Variants in WDPCP observed in about 807,000 individuals in gnomAD.
The protein encoded by WDPCP is WD repeat containing planar cell polarity effector, also known as WD repeat-containing and planar cell polarity effector protein fritz homolog.
Under a neutral mutation model 93.1 loss-of-function variants are expected in WDPCP, and 71 were observed. The ratio of observed to expected loss-of-function variants is 0.76; its 90% CI spans 0.63 to 0.93. WDPCP has a LOEUF of 0.93. Among genes scored for constraint, WDPCP ranks in the 40% least tolerant of loss-of-function variants. WDPCP has a pLI of 0.00. For synonymous variants in WDPCP, 315 were observed against 315.0 expected, an observed-to-expected ratio of 1.00 and a Z score of 0.00; for missense variants, 844 against 887.4, an observed-to-expected ratio of 0.95 and a Z score of 0.62.
intron 2 of WDPCP, among the ~76,000 whole-genome samples, chr2:63,704,311 C>A (rs1028151337): frequency 1.3e-5 from 2 of 152,128 alleles, no homozygotes; most frequent in African/African-American, 2.4e-5. Context: ...TGCCTGATTG[C>A]CCTGGCCAGA....
rs1358414423 is a variant in WDPCP at position 63,406,913 on chromosome 2, A to T, written c.826-2256T>A. 5.9e-5 allele frequency among the ~76,000 whole-genome samples: 9 copies of T among 152,292 alleles called. No homozygotes were observed. In the East Asian group the frequency reaches 1.7e-3, roughly 29 times the overall value. ...AGGATGTCAGAGAAAGAGAATGACA[A>T]AGACAAAGGGACCTTTCTGCTTCTG... On this transcript the variant is annotated intron_variant, in intron 9 of 17. Transcript: ENST00000272321.
At chr2:63,186,104 C>T (rs1674620428) in intron 14 of WDPCP, among the ~76,000 whole-genome samples, 1 of 152,188 alleles carries the variant, frequency 6.6e-6, no homozygotes, top group African/African-American at 2.4e-5. Flanking sequence ...GAATCTGCCT[C>T]CCTCTCACTC....
At chr2:63,222,949 G>A (rs897525694) in intron 14 of WDPCP, among the ~76,000 whole-genome samples, 1 of 152,016 alleles carries the variant, frequency 6.6e-6, no homozygotes, top group Admixed American at 6.6e-5. Flanking sequence ...AGGGGGAAAA[G>A]GTCTAAGAGG....
chr2:63,340,140 T>G (rs1688732735), intron 12 of WDPCP, among the ~76,000 whole-genome samples: 1 of 152,194 alleles, frequency 6.6e-6, no homozygotes, highest in South Asian at 2.1e-4. Context: ...GTTTTGTTTT[T>G]TATTGAATAT....
chr2:63,313,872 A>G (rs369577920), intron 12 of WDPCP, among the ~76,000 whole-genome samples: 4 of 101,564 alleles, frequency 3.9e-5, no homozygotes, highest in East Asian at 5.6e-4. Context: ...ATATATATAT[A>G]TATATATATA....
chr2:63,535,236 T>A (rs183241783), intron 1 of WDPCP, among the ~76,000 whole-genome samples: 150 of 152,236 alleles, frequency 9.9e-4, no homozygotes, highest in Middle Eastern at 3.4e-3. Context: ...GGAAAAACAT[T>A]CCATGCTCAT....
intron 2 of WDPCP, among the ~76,000 whole-genome samples, chr2:63,735,905 T>TA (rs1332264661): frequency 2.0e-5 from 3 of 152,184 alleles, no homozygotes; most frequent in Non-Finnish European, 4.4e-5. Context: ...AGCTCTCTGT[T>TA]AAAAAAGAAA....
intron 12 of WDPCP, among the ~76,000 whole-genome samples, chr2:63,367,180 G>C (rs1232745355): frequency 1.3e-5 from 2 of 151,370 alleles, no homozygotes; most frequent in Admixed American, 6.6e-5. Flanking sequence ...TGTGACCTAA[G>C]GCTACTCTAA....
chr2:63,392,541 C>G (rs1337576662), intron 10 of WDPCP, among the ~76,000 whole-genome samples: 2 of 152,122 alleles, frequency 1.3e-5, no homozygotes. Context: ...CAAATGGGAT[C>G]TAATTAAACT....
chr2:63,721,270 A>G (rs1345661901), intron 2 of WDPCP, among the ~76,000 whole-genome samples: 1 of 152,240 alleles, frequency 6.6e-6, no homozygotes, highest in East Asian at 1.9e-4. Flanking sequence ...GAGTGGTGTC[A>G]TGAGGGGAGG....
At chr2:63,352,913 A>G (rs1467864521) in intron 12 of WDPCP, among the ~76,000 whole-genome samples, 1 of 152,214 alleles carries the variant, frequency 6.6e-6, no homozygotes, top group Non-Finnish European at 1.5e-5. Context: ...GGTTATGCTA[A>G]TAAAAAAACT....
At chr2:63,552,635 A>C (rs1179003348) in intron 1 of WDPCP, among the ~76,000 whole-genome samples, 1 of 152,196 alleles carries the variant, frequency 6.6e-6, no homozygotes, top group African/African-American at 2.4e-5. Flanking sequence ...TTAGTTGAGA[A>C]GACAAAGGAC....
chr2:63,591,920 A>C (rs1272768683), upstream of WDPCP, among the ~76,000 whole-genome samples: 1 of 152,182 alleles, frequency 6.6e-6, no homozygotes, highest in African/African-American at 2.4e-5. Flanking sequence ...TATTATCTCC[A>C]TTTTACTATG....
intron 14 of WDPCP, among the ~76,000 whole-genome samples, chr2:63,210,231 G>A (rs1014641963): frequency 6.6e-6 from 1 of 151,998 alleles, no homozygotes; most frequent in Non-Finnish European, 1.5e-5. Flanking sequence ...TGCCTCTGAA[G>A]AGAAGACTGG....
intron 2 of WDPCP, among the ~76,000 whole-genome samples, chr2:63,807,160 C>G (rs1670779487): frequency 6.6e-6 from 1 of 152,188 alleles, no homozygotes; most frequent in Non-Finnish European, 1.5e-5. Flanking sequence ...TCTTCACAAT[C>G]TATGTTCTTC....
Position 63,122,003 on chromosome 2 carries a change from T to C in WDPCP, c.*3A>G. The C allele has an allele frequency of 6.2e-7, 1 of 1,613,108 alleles. No individual in the cohort carries two copies. Among genetic ancestry groups the C allele is most frequent in the Non-Finnish European group, 8.5e-7 (1 of 1,179,652 alleles). On this transcript the variant is annotated 3_prime_UTR_variant, in exon 18 of 18. Coordinates refer to ENST00000272321, the MANE Select transcript of WDPCP (RefSeq NM_015910.7). ...GAAGGCAGTTTTCTTTTTTTCTTAA[T>C]GTTTACACCAGACCAAAGTGAATCA... is the stretch of plus-strand genomic sequence containing the variant.
At chr2:63,699,902 G>A in intron 2 of WDPCP, among the ~76,000 whole-genome samples, 1 of 152,178 alleles carries the variant, frequency 6.6e-6, no homozygotes, top group East Asian at 1.9e-4. Context: ...GGTAGATGGT[G>A]AGAAATGAGG....
chr2:63,752,756 TAACTC>T (rs201703925), intron 2 of WDPCP: 3,839 of 187,880 alleles, frequency 0.02, 157 homozygotes, highest in African/African-American at 0.085. Flanking sequence ...ATTTTGTTGA[TAACTC>T]AGCTCACTGC....
At chr2:63,823,160 C>T (rs1439610863) in intron 1 of WDPCP, among the ~76,000 whole-genome samples, 1 of 132,670 alleles carries the variant, frequency 7.5e-6, no homozygotes, top group Non-Finnish European at 1.6e-5. Context: ...AATTATACCT[C>T]AATTTAAAAA....
Sources: allele counts gnomAD v4.1 joint callset (sites outside exome capture counted in the v4.1 genomes callset), GRCh38; gene constraint gnomAD v4.1.1; transcripts MANE v1.5; gene names NCBI Gene and HGNC (gene_info 2026-07-23, HGNC 2026-07-21).